The following GPCPD1 variants were observed in gnomAD, a reference collection of about 807,000 sequenced individuals.
The protein encoded by GPCPD1 is glycerophosphocholine phosphodiesterase 1.
In GPCPD1, 29 loss-of-function variants were observed where a neutral mutation model predicts 89.2. That is an observed-to-expected ratio of 0.33 (90% CI 0.24 to 0.44). The LOEUF is 0.44. Among genes scored for constraint, GPCPD1 ranks in the 20% least tolerant of loss-of-function variants. GPCPD1 has a pLI of 1.00. For synonymous variants in GPCPD1, 258 were observed against 266.3 expected, an observed-to-expected ratio of 0.97 and a Z score of 0.30; for missense variants, 594 against 808.9, an observed-to-expected ratio of 0.73 and a Z score of 3.22.
rs115462920 is a variant in GPCPD1, at chr20:5,608,181, G to T, written c.-29+2661C>A. ...TAAGTAAATATAATAAAAGGGAAAT[G>T]AACTGATTATAGAAATTGAGTCTTT... On this transcript the variant is annotated intron_variant, in intron 1 of 19. Transcript: ENST00000379019. 9.8e-3 allele frequency among the ~76,000 whole-genome samples: 1,490 copies of T among 152,290 alleles called. 23 individuals are homozygous for T. Among genetic ancestry groups the T allele is most frequent in the African/African-American group, 0.034 (1,395 of 41,572 alleles).
At chr20:5,582,201 A>AAC (rs1600765342) in intron 6 of GPCPD1, among the ~76,000 whole-genome samples, 1 of 140,564 alleles carries the variant, frequency 7.1e-6, no homozygotes, top group East Asian at 2.1e-4. Context: ...AAAAAAAAAA[A>AAC]AAAAAAAAAA....
chr20:5,547,567 G>A lies in GPCPD1; in HGVS notation c.*94C>T. ...CATTATTGCTTCATTGAACTGAGAA[G>A]CCCAAAAGGCATAGATCAACAATGC... On this transcript the variant is annotated 3_prime_UTR_variant, in exon 20 of 20. Coordinates refer to ENST00000379019, the MANE Select transcript of GPCPD1 (RefSeq NM_019593.5). 3.2e-6 allele frequency: 2 copies of A among 624,388 alleles called. No individual in the cohort carries two copies. The highest frequency in any genetic ancestry group is 5.7e-6 in the Non-Finnish European group (2 of 349,524). 38.7% of individuals were successfully genotyped at this position (624,388 alleles called of 1,614,324 possible).
intron 4 of GPCPD1, among the ~76,000 whole-genome samples, chr20:5,590,196 T>A (rs1022702925): frequency 1.2e-4 from 18 of 152,196 alleles, no homozygotes; most frequent in African/African-American, 4.1e-4. Context: ...AAACTTTTAC[T>A]GATTGTTTTT....
intron 15 of GPCPD1, among the ~76,000 whole-genome samples, chr20:5,563,258 C>G (rs926559766): frequency 6.6e-6 from 1 of 151,078 alleles, no homozygotes; most frequent in Non-Finnish European, 1.5e-5. Context: ...GGATTACAGG[C>G]GTAAGCCACC....
At chr20:5,583,225 CAAAAAAAAAAAAAA>C (rs35153907) in intron 6 of GPCPD1, among the ~76,000 whole-genome samples, 2 of 64,256 alleles carry the variant, frequency 3.1e-5, no homozygotes, top group Non-Finnish European at 5.5e-5. Flanking sequence ...AACTCCATCT[CAAAAAAAAAAAAAA>C]AAAAAAAAAG....
intron 2 of GPCPD1, among the ~76,000 whole-genome samples, chr20:5,603,270 G>T (rs1980303892): frequency 6.6e-6 from 1 of 152,054 alleles, no homozygotes; most frequent in South Asian, 2.1e-4. Flanking sequence ...TCTAGCCTGG[G>T]CGACAGAGCA....
chr20:5,570,022 T>C (rs1401949057), intron 12 of GPCPD1, 125 bp downstream of exon 12: 9 of 528,132 alleles, frequency 1.7e-5, no homozygotes, highest in South Asian at 3.0e-5. Flanking sequence ...GGACTGGCAG[T>C]AATTCACCAA....
chr20:5,578,671 A>T, intron 7 of GPCPD1, 60 bp from the exon 8 acceptor site: 1 of 1,029,912 alleles, frequency 9.7e-7, no homozygotes, highest in Non-Finnish European at 1.5e-6. Flanking sequence ...ACTCATACAA[A>T]TGTTGCCTAA....
chr20:5,566,610 T>G lies in GPCPD1; in HGVS notation c.1267+123A>C, dbSNP rs997457786. The G allele has an allele frequency of 9.7e-6, 6 of 621,698 alleles. No individual in the cohort carries two copies. In the African/African-American group the frequency reaches 1.1e-4, roughly 11 times the overall value. The allele number at this position is 621,698 out of a possible 1,614,324, so 38.5% of individuals were successfully genotyped here. On this transcript the variant is annotated intron_variant, in intron 14 of 19. Transcript: ENST00000379019. ...TCATTTCCGAACTATAAAATTACATTTAGAAGGCCCAGTATTATACTCATA... is the reference window on the plus strand; with the variant it reads ...TCATTTCCGAACTATAAAATTACATGTAGAAGGCCCAGTATTATACTCATA...
intron 15 of GPCPD1, among the ~76,000 whole-genome samples, chr20:5,562,449 AT>A (rs1986140953): frequency 6.6e-6 from 1 of 151,956 alleles, no homozygotes. Flanking sequence ...CGCCTGGCTA[AT>A]TTTTTGTATT....
intron 4 of GPCPD1, among the ~76,000 whole-genome samples, chr20:5,587,376 T>C (rs1394129726): frequency 7.0e-6 from 1 of 143,816 alleles, no homozygotes; most frequent in East Asian, 2.0e-4. Context: ...ACACATACTC[T>C]TTTTTTTTTT....
chr20:5,560,154 A>T, intron 16 of GPCPD1, 78 bp from the exon 17 acceptor site: 1 of 1,027,844 alleles, frequency 9.7e-7, no homozygotes, highest in South Asian at 1.9e-5. Flanking sequence ...TATTCTGGCA[A>T]GCTATGATGA....
At chr20:5,586,414 C>G in intron 4 of GPCPD1, 145 bp from the exon 5 acceptor site, 1 of 564,082 alleles carries the variant, frequency 1.8e-6, no homozygotes, top group Non-Finnish European at 3.2e-6. Flanking sequence ...TGCCAAAAGC[C>G]TGGAATGTAC....
chr20:5,566,738 C>T lies in GPCPD1; in HGVS notation c.1262G>A (p.Arg421Gln), dbSNP rs73078112. The change falls in exon 14 of 20, where the codon CGG becomes CAG. Residue 421 changes from arginine to glutamine, a missense_variant. Physicochemically the swap from Arg to Gln is conservative, Grantham distance 43 (BLOSUM62 1). Transcript: ENST00000379019. ...THVTALKSKD[R>Q]KESVVQEENS... ...GTTTCCATATTGGTACATACCTTTC[C>T]GATCCTTAGATTTCAGTGCAGTCAC... 30,465 of 1,568,842 alleles carry T rather than the reference C, an allele frequency of 0.019. 405 individuals carry two copies. Among genetic ancestry groups the T allele is most frequent in the Non-Finnish European group, 0.024 (27,854 of 1,138,994 alleles).
intron 14 of GPCPD1, among the ~76,000 whole-genome samples, 178 bp from the exon 15 acceptor site, chr20:5,565,256 T>G (rs1227674309): frequency 1.3e-5 from 2 of 151,536 alleles, no homozygotes; most frequent in Non-Finnish European, 2.9e-5. Context: ...AGGTAGGGTC[T>G]CACTCTGTCA....
rs545403248 is a variant in GPCPD1, at chr20:5,593,478, T to G, written c.147-67A>C. ...ACTACAGTGCATAAAGACTTCTTAATTCACAAAACTCCTCAAATAAAACGT... is the reference window on the plus strand; with the variant it reads ...ACTACAGTGCATAAAGACTTCTTAAGTCACAAAACTCCTCAAATAAAACGT... On this transcript the variant is annotated intron_variant, in intron 3 of 19. Coordinates refer to ENST00000379019, the MANE Select transcript of GPCPD1 (RefSeq NM_019593.5). 4.9e-6 allele frequency: 4 copies of G among 823,288 alleles called. No individual in the cohort carries two copies. The South Asian group carries it at 5.7e-5, about 12-fold the overall frequency. The allele number at this position is 823,288 out of a possible 1,614,324, so 51.0% of individuals were successfully genotyped here.
intron 2 of GPCPD1, among the ~76,000 whole-genome samples, chr20:5,600,314 G>A (rs1980038516): frequency 6.6e-6 from 1 of 152,244 alleles, no homozygotes; most frequent in Non-Finnish European, 1.5e-5. Flanking sequence ...CCAGCACTTT[G>A]GGAGGCCAAG....
chr20:5,593,103 G>C (rs1354233883), intron 4 of GPCPD1, among the ~76,000 whole-genome samples: 4 of 152,110 alleles, frequency 2.6e-5, no homozygotes, highest in African/African-American at 9.7e-5. Context: ...AATTTCATAA[G>C]AATACTGCAG....
intron 17 of GPCPD1, among the ~76,000 whole-genome samples, chr20:5,559,048 C>T (rs1026239350): frequency 6.6e-5 from 10 of 151,852 alleles, no homozygotes; most frequent in African/African-American, 2.2e-4. Context: ...ACTAAAAATA[C>T]AAAAATTAGC....
Sources: gnomAD v4.1 joint callset for allele counts (sites outside exome capture counted in the v4.1 genomes callset) on GRCh38, gnomAD v4.1.1 for gene constraint, MANE v1.5 for transcripts, NCBI Gene and HGNC (gene_info 2026-07-23, HGNC 2026-07-21) for gene names.